Variants in RTF1 observed in about 807,000 individuals in gnomAD.
RTF1 encodes the protein RTF1 homolog, Paf1/RNA polymerase II complex component.
Under a neutral mutation model 95.7 loss-of-function variants are expected in RTF1, and 10 were observed. The observed-to-expected ratio is 0.10, with a 90% CI of 0.06 to 0.18. The LOEUF is 0.18. Ranked by LOEUF, RTF1 falls within the 10% of genes least tolerant of loss-of-function variation. The pLI is 1.00. For synonymous variants in RTF1, 305 were observed against 311.8 expected (o/e 0.98, Z 0.23); for missense variants, 458 against 875.6 (o/e 0.52, Z 6.02).
Position 41,477,254 on chromosome 15 carries a change from C to T in RTF1, c.1650C>T (p.Asp550=), listed in dbSNP as rs769536143. 3.3e-5 allele frequency: 53 copies of T among 1,614,126 alleles called. 1 individual carries two copies. In the Middle Eastern group the frequency reaches 4.9e-4, roughly 15 times the overall value. The change falls in exon 13 of 18, where the codon GAC becomes GAT. Residue 550 remains aspartate, a synonymous_variant. Coordinates refer to ENST00000389629, the MANE Select transcript of RTF1 (RefSeq NM_015138.5). The part of the protein sequence containing the change: ...NELEERAEAL[D]RQRTKNISAI... ...TGGAGGAACGGGCAGAGGCCCTGGA[C>T]CGCCAGCGGACCAAGAACATATCCG... is the stretch of plus-strand genomic sequence containing the variant.
Position 41,476,482 on chromosome 15 carries a change from C to T in RTF1, c.1519C>T (p.Pro507Ser). 1 of 1,613,878 alleles carries T rather than the reference C, an allele frequency of 6.2e-7. No individual in the cohort carries two copies. The highest frequency in any genetic ancestry group is 8.5e-7 in the Non-Finnish European group (1 of 1,179,830). Residue 507 changes from proline to serine, a missense_variant, in exon 12 of 18, where the codon CCC becomes TCC. Transcript: ENST00000389629. ...KEKERFRKAPPNYAMKKTQLL... is the reference protein window; with the variant it reads ...KEKERFRKAPSNYAMKKTQLL... ...GAAAGAAAGGTTCAGAAAAGCTCCA[C>T]CCAACTACGCTATGAAGAAGACTCA... is the stretch of plus-strand genomic sequence containing the variant.
At chr15:41,468,017 TAGTC>T (rs1023651669) in intron 6 of RTF1, among the ~76,000 whole-genome samples, 5 of 151,706 alleles carry the variant, frequency 3.3e-5, no homozygotes, top group African/African-American at 4.8e-5. Flanking sequence ...GTACAAAAAT[TAGTC>T]AGGCGTGGTA....
At chr15:41,479,284 T>G in intron 16 of RTF1, 86 bp downstream of exon 16, 1 of 874,750 alleles carries the variant, frequency 1.1e-6, no homozygotes, top group Non-Finnish European at 1.9e-6. Context: ...TGGGCTTGAT[T>G]TTTCCACCTT....
intron 1 of RTF1, among the ~76,000 whole-genome samples, chr15:41,434,635 T>C (rs1470060358): frequency 2.0e-5 from 3 of 151,570 alleles, no homozygotes; most frequent in Admixed American, 2.0e-4. Context: ...TTTTTTTTTT[T>C]TTTTCTTTTT....
chr15:41,423,120 G>C (rs552356490), intron 1 of RTF1, among the ~76,000 whole-genome samples: 1 of 152,042 alleles, frequency 6.6e-6, no homozygotes, highest in African/African-American at 2.4e-5. Context: ...TACATGTAAA[G>C]AATATTATTA....
Position 41,482,413 on chromosome 15 carries a change from TTTCGTACAAGGAAGG to T in RTF1, c.*1727_*1741del, listed in dbSNP as rs949219974. 3 of 152,606 alleles carry T rather than the reference TTTCGTACAAGGAAGG, an allele frequency of 2.0e-5. No homozygotes were observed. The highest frequency in any genetic ancestry group is 7.2e-5 in the African/African-American group (3 of 41,472). 9.5% of individuals were successfully genotyped at this position (152,606 alleles called of 1,614,324 possible). A position where few individuals can be genotyped will look rare whatever the true frequency, so the allele number is the denominator to read the frequency against. On this transcript the variant is annotated 3_prime_UTR_variant, in exon 18 of 18. Coordinates refer to ENST00000389629, the MANE Select transcript of RTF1 (RefSeq NM_015138.5). ...TCTGCTTTGTACTTCCTCACCCTGC[TTTCGTACAAGGAAGG>T]GGGACGATGGGAAATCATGGACTTG...
chr15:41,438,809 C>T (rs1222377633), intron 2 of RTF1, among the ~76,000 whole-genome samples: 4 of 151,326 alleles, frequency 2.6e-5, no homozygotes, highest in South Asian at 4.2e-4. Context: ...TGCAGTGAGC[C>T]GGGATCGCCC....
intron 3 of RTF1, among the ~76,000 whole-genome samples, chr15:41,455,792 GAA>G (rs2050811265): frequency 1.3e-5 from 2 of 150,116 alleles, no homozygotes; most frequent in African/African-American, 4.9e-5. Context: ...AAAAAAAAAA[GAA>G]TGATATAATG....
intron 4 of RTF1, among the ~76,000 whole-genome samples, chr15:41,462,426 G>A (rs1028070639): frequency 1.3e-5 from 2 of 152,234 alleles, no homozygotes; most frequent in East Asian, 3.9e-4. Flanking sequence ...AGTCAGACTC[G>A]CTGGAGGGGT....
chr15:41,419,383 G>T lies in RTF1; in HGVS notation c.198+2070G>T, dbSNP rs1167047850. On this transcript the variant is annotated intron_variant, in intron 1 of 17. Transcript: ENST00000389629. ...ACTTTACATAAAGAAAATGGAGGTT[G>T]AAAAAGTTAAATAACTCACAACTAG... Among the ~76,000 whole-genome samples, 3 of 152,174 alleles carry T rather than the reference G, an allele frequency of 2.0e-5. No individual in the cohort carries two copies. The East Asian group carries it at 5.8e-4, about 29-fold the overall frequency.
Position 41,466,258 on chromosome 15 carries a change from C to A in RTF1, c.889+6C>A, listed in dbSNP as rs200924142. 9.8e-6 allele frequency: 15 copies of A among 1,529,284 alleles called. No individual in the cohort carries two copies. The African/African-American group carries it at 1.7e-4, about 17-fold the overall frequency. The allele number at this position is 1,529,284 out of a possible 1,614,324, so 94.7% of individuals were successfully genotyped here. On this transcript the variant is annotated splice_donor_region_variant and intron_variant, in intron 6 of 17. Transcript: ENST00000389629. ...AAAACGAAAGAACAGAACAGGTAAG[C>A]GAGGGAAATATAATGGCTACTTGTG... is the stretch of plus-strand genomic sequence containing the variant.
chr15:41,465,155 CCTTCCCTTCCTCCTTCCCTTCCT>C (rs1190703010), intron 5 of RTF1, among the ~76,000 whole-genome samples: 1 of 150,798 alleles, frequency 6.6e-6, no homozygotes, highest in Non-Finnish European at 1.5e-5. Context: ...CCTCCTTCCC[CCTTCCCTTCCTCCTTCCCTTCCT>C]CTTCCCTTTC....
chr15:41,476,782 C>G (rs1306206863), intron 12 of RTF1, among the ~76,000 whole-genome samples: 2 of 152,206 alleles, frequency 1.3e-5, no homozygotes, highest in Non-Finnish European at 2.9e-5. Flanking sequence ...AAAATAGACC[C>G]TGGGGTGGTA....
intron 6 of RTF1, 85 bp downstream of exon 6, chr15:41,466,337 A>G: frequency 1.2e-6 from 1 of 841,832 alleles, no homozygotes; most frequent in Non-Finnish European, 1.8e-6. Context: ...CTCTTGTTAT[A>G]TCTTTCTCAT....
At chr15:41,435,392 A>G (rs1460190703) in intron 1 of RTF1, among the ~76,000 whole-genome samples, 1 of 151,284 alleles carries the variant, frequency 6.6e-6, no homozygotes, top group African/African-American at 2.4e-5. Context: ...TTTTTTTTAT[A>G]GAGACTGGGT....
At chr15:41,463,638 T>C (rs542089879) in intron 4 of RTF1, among the ~76,000 whole-genome samples, 2 of 152,166 alleles carry the variant, frequency 1.3e-5, no homozygotes, top group Admixed American at 6.6e-5. Flanking sequence ...TGTACCACCA[T>C]GTCCAGCCAA....
chr15:41,436,829 C>T (rs2050706033), intron 1 of RTF1, among the ~76,000 whole-genome samples: 1 of 151,950 alleles, frequency 6.6e-6, no homozygotes, highest in African/African-American at 2.4e-5. Flanking sequence ...TGGCTCACGC[C>T]TGTAATCCCA....
intron 2 of RTF1, among the ~76,000 whole-genome samples, chr15:41,451,781 C>T (rs1251832313): frequency 6.6e-6 from 1 of 152,192 alleles, no homozygotes. Flanking sequence ...CTAAACCATT[C>T]TCTGTACTGA....
In RTF1 at chr15:41,477,169, T is replaced by A; in HGVS notation, c.1565T>A (p.Met522Lys). 1 of 1,614,216 alleles carries A rather than the reference T, an allele frequency of 6.2e-7. No individual in the cohort carries two copies. ...CACACATCTCTCTATGTGTAGGCCA[T>A]GGCTGAGGACCTGGGGGATCAGGAC... is the stretch of plus-strand genomic sequence containing the variant. ...KKTQLLKEKA[M>K]AEDLGDQDKA... The change falls in exon 13 of 18, where the codon ATG becomes AAG. Residue 522 changes from methionine to lysine, a missense_variant. Met to Lys is a moderately conservative substitution (Grantham distance 95). Coordinates refer to ENST00000389629, the MANE Select transcript of RTF1 (RefSeq NM_015138.5).
Sources: gnomAD v4.1 joint callset for allele counts (sites outside exome capture counted in the v4.1 genomes callset) on GRCh38, gnomAD v4.1.1 for gene constraint, MANE v1.5 for transcripts, NCBI Gene and HGNC (gene_info 2026-07-23, HGNC 2026-07-21) for gene names.